Variants in TNC observed in about 807,000 individuals in gnomAD.
TNC encodes the protein tenascin C.
A neutral mutation model predicts 202.4 loss-of-function variants in TNC; 109 were observed. The ratio of observed to expected loss-of-function variants is 0.54; its 90% confidence interval spans 0.46 to 0.63. The LOEUF (loss-of-function observed/expected upper bound fraction) is 0.63. Ranked by LOEUF, TNC falls within the 30% of genes least tolerant of loss-of-function variation. The pLI is 0.00. For synonymous variants in TNC, 1,007 were observed against 1,089.7 expected, an observed-to-expected ratio of 0.92 and a Z score of 1.50; for missense variants, 2,756 against 2,833.3, an observed-to-expected ratio of 0.97 and a Z score of 0.62.
Position 115,095,702 on chromosome 9 carries a change from A to G in TNC, c.-136-4548T>C, listed in dbSNP as rs538861074. 2.8e-4 allele frequency among the ~76,000 whole-genome samples: 39 copies of G among 138,384 alleles called. 2 individuals carry two copies. The highest frequency in any genetic ancestry group is 1.1e-3 in the African/African-American group (39 of 36,370). The allele number at this position is 138,384 out of a possible 152,430, so 90.8% of individuals were successfully genotyped here. A position where few individuals can be genotyped will look rare whatever the true frequency, so the allele number is the denominator to read the frequency against. ...TATATGTATATATATATGTATATAT[A>G]TGTATATATATATCTCCATATATAA... On this transcript the variant is annotated intron_variant, in intron 1 of 27. Transcript: ENST00000350763.
At position 115,086,728 on chromosome 9, in the gene TNC, C is replaced by T. The variant is rs769137417; in HGVS notation, c.1003G>A (p.Gly335Ser). 6.2e-7 allele frequency: 1 copy of T among 1,613,934 alleles called. No homozygotes were observed. The highest frequency in any genetic ancestry group is 1.3e-5 in the African/African-American group (1 of 74,942). The change falls in exon 3 of 28, where the codon GGC (glycine) becomes AGC (serine). Residue 335 changes from glycine (G) to serine (S), a missense_variant. By Grantham distance (56) the Gly-to-Ser change is moderately conservative. Transcript: ENST00000350763. The part of the protein sequence containing the change: ...CINGTCYCEE[G>S]FTGEDCGKPT... ...TTCCCGCAGTCTTCACCTGTGAAGCCTTCTTCGCAGTAGCAGGTGCCATTG... is the reference window on the plus strand; with the variant it reads ...TTCCCGCAGTCTTCACCTGTGAAGCTTTCTTCGCAGTAGCAGGTGCCATTG...
chr9:115,087,893 T>C (rs1456312493), intron 2 of TNC, among the ~76,000 whole-genome samples: 1 of 151,892 alleles, frequency 6.6e-6, no homozygotes, highest in Non-Finnish European at 1.5e-5. Flanking sequence ...TTTGTAGAGA[T>C]GGGGTTTCAC....
At chr9:115,096,528 A>G (rs1835805701) in intron 1 of TNC, among the ~76,000 whole-genome samples, 1 of 152,168 alleles carries the variant, frequency 6.6e-6, no homozygotes, top group Non-Finnish European at 1.5e-5. Flanking sequence ...GGAAACTGAG[A>G]CTCAAAGCGA....
In TNC at chr9:115,081,786, C is replaced by T. The variant is rs1834322298; in HGVS notation, c.2390G>A (p.Arg797Lys). ...KNNTRGPGLKRVTTTRLDAPS... is the reference protein window; with the variant it reads ...KNNTRGPGLKKVTTTRLDAPS... ...GTGATACTCACGTGTGGTGGTCACCCTCTTCAGGCCAGGGCCCCGGGTATT... is the reference window on the plus strand; with the variant it reads ...GTGATACTCACGTGTGGTGGTCACCTTCTTCAGGCCAGGGCCCCGGGTATT... The change falls in exon 6 of 28, where the codon AGG becomes AAG. Residue 797 changes from arginine (R) to lysine (K), a missense_variant. Physicochemically the swap from Arg to Lys is conservative, Grantham distance 26. This residue lies in a region of TNC where 2,559 missense variants were observed against 2,546.0 expected (regional missense o/e 1.01). Coordinates refer to ENST00000350763, the MANE Select transcript of TNC (RefSeq NM_002160.4). The T allele has an allele frequency of 6.2e-7, 1 of 1,613,952 alleles. No individual in the cohort carries two copies. Among genetic ancestry groups the T allele is most frequent in the Non-Finnish European group, 8.5e-7 (1 of 1,179,952 alleles).
At chr9:115,081,138 A>T (rs1301153187) in intron 6 of TNC, among the ~76,000 whole-genome samples, 1 of 152,220 alleles carries the variant, frequency 6.6e-6, no homozygotes, top group East Asian at 1.9e-4. Flanking sequence ...GCTTAAAGTT[A>T]TGCCCCTGAT....
At position 115,073,704 on chromosome 9, in the gene TNC, T is replaced by A. The variant is rs776939328; in HGVS notation, c.3113A>T (p.Tyr1038Phe). The A allele has an allele frequency of 1.2e-6, 2 of 1,614,132 alleles. No homozygotes were observed. Among genetic ancestry groups the A allele is most frequent in the East Asian group, 4.5e-5 (2 of 44,864 alleles). ...TCCTGGTTCCAGGCCTCTCAGGACA[T>A]AGGAAGTGGTGTTTCTTGGAAGCTG... is the stretch of plus-strand genomic sequence containing the variant. ...GVQLPRNTTSYVLRGLEPGQE... is the reference protein window; with the variant it reads ...GVQLPRNTTSFVLRGLEPGQE... The change falls in exon 10 of 28, where the codon TAT (tyrosine) becomes TTT (phenylalanine). Residue 1038 changes from tyrosine (Y) to phenylalanine (F), a missense_variant. Transcript: ENST00000350763.
chr9:115,096,226 G>T (rs575751012), intron 1 of TNC, among the ~76,000 whole-genome samples: 1 of 152,186 alleles, frequency 6.6e-6, no homozygotes, highest in Non-Finnish European at 1.5e-5. Context: ...TTCCCCGTGA[G>T]ATAGAAAATT....
At chr9:115,034,969 G>T (rs1000941599) in intron 22 of TNC, among the ~76,000 whole-genome samples, 1 of 152,174 alleles carries the variant, frequency 6.6e-6, no homozygotes, top group Non-Finnish European at 1.5e-5. Context: ...CTCAAGTCTT[G>T]TAAGCAGTGG....
intron 11 of TNC, 91 bp from the exon 12 acceptor site, chr9:115,064,159 T>C (rs1388699079): frequency 7.7e-7 from 1 of 1,305,338 alleles, no homozygotes; most frequent in African/African-American, 1.5e-5. Context: ...ATAATAATAT[T>C]ACTGAAAAAA....
intron 1 of TNC, among the ~76,000 whole-genome samples, chr9:115,094,817 CTGTGTGTGTGTG>C (rs1166113704): frequency 6.7e-5 from 2 of 29,818 alleles, no homozygotes; most frequent in African/African-American, 2.0e-4. Flanking sequence ...ACAAGTGCCT[CTGTGTGTGTGTG>C]TGTGTGTGTG....
At chr9:115,035,845 A>G in intron 21 of TNC, 1 of 446,372 alleles carries the variant, frequency 2.2e-6, no homozygotes, top group East Asian at 3.3e-5. Context: ...CTGTTTTTCC[A>G]CTTACAAAGC....
chr9:115,109,645 C>T (rs1836887812), intron 1 of TNC, among the ~76,000 whole-genome samples: 1 of 152,218 alleles, frequency 6.6e-6, no homozygotes, highest in Non-Finnish European at 1.5e-5. Flanking sequence ...CCAGACAGGA[C>T]TCCTCTGTCC....
At chr9:115,100,651 T>G (rs1327131043) in intron 1 of TNC, among the ~76,000 whole-genome samples, 1 of 152,196 alleles carries the variant, frequency 6.6e-6, no homozygotes, top group Non-Finnish European at 1.5e-5. Context: ...GGAGTGCATA[T>G]GTACGGCATG....
rs1564401647 is a variant in TNC at position 115,026,555 on chromosome 9, C to T, written c.6310G>A (p.Glu2104Lys). The change falls in exon 26 of 28, where the codon GAG (glutamate) becomes AAG (lysine). Residue 2104 changes from glutamate to lysine, a missense_variant. Physicochemically the swap from Glu to Lys is moderately conservative, Grantham distance 56. Around this residue, in one of 2 missense-constraint regions of TNC, gnomAD observed 197 missense variants for 287.3 expected, o/e 0.69. Coordinates refer to ENST00000350763, the MANE Select transcript of TNC (RefSeq NM_002160.4). ...DAKTRYKLKVEGYSGTAGDSM... is the reference protein window; with the variant it reads ...DAKTRYKLKVKGYSGTAGDSM... ...GTACCTGCTGTCCCACTGTACCCCT[C>T]CACCTTCAGCTTGTAGCGAGTCTTG... 6.2e-7 allele frequency: 1 copy of T among 1,613,980 alleles called. No homozygotes were observed. Among genetic ancestry groups the T allele is most frequent in the East Asian group, 2.2e-5 (1 of 44,866 alleles).
In TNC at chr9:115,077,782, A is replaced by G. The variant is rs2988577; in HGVS notation, c.2674+161T>C. ...ATTTGGAATTTTTTTTGAAAAATTA[A>G]TTAATAAATTGCTACAATATTTTAA... On this transcript the variant is annotated intron_variant, in intron 7 of 27. Transcript: ENST00000350763. Among the ~76,000 whole-genome samples, 48,771 of 152,186 alleles carry G rather than the reference A, an allele frequency of 0.32. 8,343 individuals are homozygous for G. Among genetic ancestry groups the G allele is most frequent in the Non-Finnish European group, 0.37 (25,110 of 67,994 alleles).
At chr9:115,076,295 G>A (rs971671826) in intron 8 of TNC, 95 bp downstream of exon 8, 1 of 1,478,144 alleles carries the variant, frequency 6.8e-7, no homozygotes, top group South Asian at 1.2e-5. Context: ...ACTTATTTCT[G>A]AGGGTTGCAA....
intron 10 of TNC, among the ~76,000 whole-genome samples, chr9:115,066,886 T>C (rs1832995353): frequency 6.6e-6 from 1 of 152,228 alleles, no homozygotes; most frequent in Non-Finnish European, 1.5e-5. Context: ...ATAATTGTAA[T>C]GGAAACTCTC....
At chr9:115,034,873 A>G (rs1042028794) in intron 22 of TNC, among the ~76,000 whole-genome samples, 1 of 152,224 alleles carries the variant, frequency 6.6e-6, no homozygotes, top group Non-Finnish European at 1.5e-5. Context: ...TCTGTGAGAT[A>G]ATACATATGG....
At chr9:115,045,097 A>G (rs1266965026) in intron 17 of TNC, among the ~76,000 whole-genome samples, 2 of 152,070 alleles carry the variant, frequency 1.3e-5, no homozygotes, top group Non-Finnish European at 2.9e-5. Context: ...AAATCATTTC[A>G]CCATTCTGGT....
Sources: allele counts gnomAD v4.1 joint callset (sites outside exome capture counted in the v4.1 genomes callset), GRCh38; gene constraint gnomAD v4.1.1; regional missense constraint gnomAD v4.1.1; transcripts MANE v1.5; gene names NCBI Gene and HGNC (gene_info 2026-07-23, HGNC 2026-07-21).